COL6A5: variants seen among roughly 807,000 people sequenced by gnomAD.
COL6A5 encodes the protein collagen alpha-5(VI) chain.
A neutral mutation model predicts 65.6 loss-of-function variants in COL6A5; 48 were observed. The ratio of observed to expected loss-of-function variants is 0.73; its 90% CI spans 0.58 to 0.93. The LOEUF (loss-of-function observed/expected upper bound fraction) is 0.93. Among genes scored for constraint, COL6A5 ranks in the 40% least tolerant of loss-of-function variants. The pLI is 0.00. For synonymous variants in COL6A5, 291 were observed against 322.8 expected, an observed-to-expected ratio of 0.90 and a Z score of 1.05; for missense variants, 914 against 928.3, an observed-to-expected ratio of 0.98 and a Z score of 0.20.
chr3:130,471,947 G>C, intron 7 of COL6A5, 21 bp downstream of exon 40: 1 of 1,529,240 alleles, frequency 6.5e-7, no homozygotes. Context: ...GTACCATAGA[G>C]CTGAAGACCC....
Position 130,409,314 on chromosome 3 carries a change from C to T in COL6A5, c.4480-12C>T. On this transcript the variant is annotated splice_polypyrimidine_tract_variant and intron_variant and NMD_transcript_variant, in intron 17 of 41. Transcript: ENST00000312481. The stretch of plus-strand genomic sequence containing the variant: ...TACAAGCTAACTCAGAAATTCATTT[C>T]ATTTTTTTCAGGGCAGCCCAGGTTC... 1.3e-6 allele frequency: 2 copies of T among 1,534,226 alleles called. No homozygotes were observed. Among genetic ancestry groups the T allele is most frequent in the Non-Finnish European group, 1.8e-6 (2 of 1,140,618 alleles).
At chr3:130,417,858 C>G (rs1411402501) in intron 24 of COL6A5, among the ~76,000 whole-genome samples, 5 of 152,084 alleles carry the variant, frequency 3.3e-5, no homozygotes, top group Non-Finnish European at 5.9e-5. Context: ...TCCTTTTACA[C>G]TGAGCCCAGC....
intron 5 of COL6A5, among the ~76,000 whole-genome samples, chr3:130,457,049 G>T (rs777100594): frequency 2.7e-5 from 3 of 112,972 alleles, no homozygotes; most frequent in African/African-American, 8.3e-5. Context: ...ATTCAAATGT[G>T]TATTTTTTTA....
intron 7 of COL6A5, among the ~76,000 whole-genome samples, chr3:130,476,330 A>G (rs1181837651): frequency 6.6e-6 from 1 of 152,056 alleles, no homozygotes; most frequent in Non-Finnish European, 1.5e-5. Context: ...TGCCTCCTTA[A>G]GGGCCCTATC....
exon 3 of COL6A5, chr3:130,440,460 T>A (rs1259586124): frequency 6.2e-7 from 1 of 1,613,752 alleles, no homozygotes; most frequent in Non-Finnish European, 8.5e-7. Context: ...CAACTCCTAA[T>A]GAAGAATCAC....
chr3:130,419,146 G>A (rs149029529), intron 25 of COL6A5, among the ~76,000 whole-genome samples: 1 of 152,046 alleles, frequency 6.6e-6, no homozygotes, highest in Non-Finnish European at 1.5e-5. Flanking sequence ...AATGAGGGTA[G>A]GCAGAGAGGA....
At chr3:130,438,815 A>T (rs1709101132) in intron 1 of COL6A5, among the ~76,000 whole-genome samples, 1 of 152,156 alleles carries the variant, frequency 6.6e-6, no homozygotes, top group Admixed American at 6.5e-5. Flanking sequence ...ATGCCCAATA[A>T]AGAGTTATTG....
chr3:130,399,490 C>A (rs1406631029), intron 10 of COL6A5, among the ~76,000 whole-genome samples: 1 of 151,856 alleles, frequency 6.6e-6, no homozygotes, highest in East Asian at 1.9e-4. Context: ...CCTGCTTCAG[C>A]CTCTGGAGTA....
exon 3 of COL6A5, chr3:130,440,445 A>G (rs1461433123): frequency 1.2e-6 from 2 of 1,613,728 alleles, no homozygotes; most frequent in South Asian, 2.2e-5. Context: ...ATCACTTATG[A>G]CAACCAACTC....
At chr3:130,472,928 G>T (rs1709995654) in intron 7 of COL6A5, among the ~76,000 whole-genome samples, 1 of 142,454 alleles carries the variant, frequency 7.0e-6, no homozygotes, top group Non-Finnish European at 1.5e-5. Flanking sequence ...CATATATATA[G>T]TTTTAGATAT....
chr3:130,360,983 C>T (rs1408593599), intron 1 of COL6A5, among the ~76,000 whole-genome samples: 1 of 151,968 alleles, frequency 6.6e-6, no homozygotes, highest in East Asian at 1.9e-4. Flanking sequence ...GCAACAAGTA[C>T]AAAGTTCCTA....
chr3:130,349,170 G>A (rs1365194860), intron 1 of COL6A5, among the ~76,000 whole-genome samples: 1 of 152,140 alleles, frequency 6.6e-6, no homozygotes, highest in Admixed American at 6.5e-5. Context: ...ATTGTCCCAG[G>A]TGACACCTCA....
rs528514040 is a variant in COL6A5, at chr3:130,395,467, T to C, written c.3568+2T>C. The C allele has an allele frequency of 2.0e-6, 3 of 1,531,856 alleles. No individual in the cohort carries two copies. In the Admixed American group the frequency reaches 6.8e-5, roughly 35 times the overall value. The allele number at this position is 1,531,856 out of a possible 1,614,324, so 94.9% of individuals were successfully genotyped here. On this transcript the variant is annotated splice_donor_variant and NMD_transcript_variant, in intron 8 of 41. Transcript: ENST00000312481. The stretch of plus-strand genomic sequence containing the variant: ...TCTGCCAGAGCTGTGGGAAAACCAG[T>C]AAGTGCTTCTTGTTTGGTTTTCTTC...
At chr3:130,379,689 T>A in exon 4 of COL6A5, 1 of 1,551,428 alleles carries the variant, frequency 6.4e-7, no homozygotes, top group Non-Finnish European at 8.7e-7. Flanking sequence ...GGAAATCCAA[T>A]ACAGGGGCTG....
intron 1 of COL6A5, 72 bp downstream of exon 1, chr3:130,346,053 T>A: frequency 5.0e-6 from 2 of 398,428 alleles, no homozygotes; most frequent in Non-Finnish European, 8.9e-6. Context: ...CAGGTGGATG[T>A]GAGAAGGATT....
intron 22 of COL6A5, among the ~76,000 whole-genome samples, chr3:130,414,477 C>T (rs958613604): frequency 2.0e-5 from 3 of 152,108 alleles, no homozygotes; most frequent in African/African-American, 7.2e-5. Context: ...CACAGGCTCC[C>T]ACAAAGGAAA....
chr3:130,480,954 T>G (rs555077108), intron 7 of COL6A5, among the ~76,000 whole-genome samples: 9 of 152,240 alleles, frequency 5.9e-5, no homozygotes, highest in African/African-American at 1.9e-4. Context: ...AGAGGGCAGC[T>G]TAAGCCTGAT....
chr3:130,387,949 TAC>T (rs1936257198), intron 5 of COL6A5, among the ~76,000 whole-genome samples: 1 of 151,828 alleles, frequency 6.6e-6, no homozygotes, highest in African/African-American at 2.4e-5. Context: ...TATATATATA[TAC>T]GTATGTCTGT....
chr3:130,389,337 T>C (rs1038098142), intron 6 of COL6A5, among the ~76,000 whole-genome samples: 6 of 152,112 alleles, frequency 3.9e-5, no homozygotes, highest in Admixed American at 3.9e-4. Flanking sequence ...CACAAGTTAG[T>C]ATGGCATTGG....
Sources: allele counts gnomAD v4.1 joint callset (sites outside exome capture counted in the v4.1 genomes callset), GRCh38; gene constraint gnomAD v4.1.1; transcripts MANE v1.5; gene names NCBI Gene and HGNC (gene_info 2026-07-23, HGNC 2026-07-21).